Variants in AGMO observed in about 807,000 individuals in gnomAD.
AGMO encodes alkylglycerol monooxygenase.
Under a neutral mutation model 60.2 loss-of-function variants are expected in AGMO, and 75 were observed. That is an observed-to-expected ratio of 1.25 (90% CI 1.03 to 1.51). AGMO has a LOEUF of 1.51. AGMO is among the 40% of genes most tolerant of loss of function. The pLI is 0.00. For missense variants in AGMO, 763 were observed against 525.5 expected, an observed-to-expected ratio of 1.45 and a Z score of -4.42; for synonymous variants, 261 against 177.1, an observed-to-expected ratio of 1.47 and a Z score of -3.76.
chr7:15,278,594 A>G (rs1783868691), intron 12 of AGMO, among the ~76,000 whole-genome samples: 1 of 152,122 alleles, frequency 6.6e-6, no homozygotes, highest in Admixed American at 6.5e-5. Context: ...GTTTCACTGG[A>G]AAAGGCAATG....
At chr7:15,178,301 G>T in the AGMO span, among the ~76,000 whole-genome samples, 1 of 152,128 alleles carries the variant, frequency 6.6e-6, no homozygotes, top group South Asian at 2.1e-4. Flanking sequence ...TGATAGATTG[G>T]CTGATACAGA....
At chr7:15,218,088 A>G (rs1272976659) in intron 12 of AGMO, among the ~76,000 whole-genome samples, 1 of 152,104 alleles carries the variant, frequency 6.6e-6, no homozygotes, top group African/African-American at 2.4e-5. Flanking sequence ...AAAGACGTAT[A>G]AACGGTAATA....
the AGMO span, among the ~76,000 whole-genome samples, chr7:15,194,411 TAA>T: frequency 1.0e-3 from 156 of 152,232 alleles, no homozygotes; most frequent in African/African-American, 3.5e-3. Context: ...TAAAATAACT[TAA>T]AAGTCTTTTA....
intron 12 of AGMO, among the ~76,000 whole-genome samples, chr7:15,265,969 G>A (rs1415741943): frequency 6.6e-6 from 1 of 152,070 alleles, no homozygotes; most frequent in African/African-American, 2.4e-5. Flanking sequence ...AATACATTCT[G>A]ATGTATGCTA....
the AGMO span, among the ~76,000 whole-genome samples, chr7:15,135,375 C>T: frequency 1.3e-5 from 2 of 152,202 alleles, no homozygotes; most frequent in Admixed American, 6.5e-5. Flanking sequence ...ATGTGGAGAA[C>T]ATCACCTCTC....
At chr7:15,444,575 T>C (rs1382186360) in intron 3 of AGMO, among the ~76,000 whole-genome samples, 2 of 152,220 alleles carry the variant, frequency 1.3e-5, no homozygotes, top group Non-Finnish European at 2.9e-5. Context: ...GAAAAATCTT[T>C]TCCTTTGGCT....
chr7:15,274,641 C>G (rs994494710), intron 12 of AGMO, among the ~76,000 whole-genome samples: 3 of 150,526 alleles, frequency 2.0e-5, no homozygotes, highest in Non-Finnish European at 4.4e-5. Flanking sequence ...AAGTTTGGTA[C>G]CAGTACTTTG....
intron 12 of AGMO, among the ~76,000 whole-genome samples, chr7:15,362,938 T>C (rs1782822129): frequency 6.6e-6 from 1 of 152,210 alleles, no homozygotes; most frequent in African/African-American, 2.4e-5. Context: ...TCAGACTTCC[T>C]GAGTTTGTTC....
At chr7:15,547,692 G>A (rs1029612604) in intron 2 of AGMO, among the ~76,000 whole-genome samples, 2 of 152,068 alleles carry the variant, frequency 1.3e-5, no homozygotes, top group African/African-American at 2.4e-5. Context: ...CTGATTGCTA[G>A]CACAGCAGTC....
At chr7:15,211,341 G>T (rs1057079843) in intron 12 of AGMO, among the ~76,000 whole-genome samples, 4 of 151,962 alleles carry the variant, frequency 2.6e-5, no homozygotes, top group Non-Finnish European at 5.9e-5. Flanking sequence ...ATTGTAAGTA[G>T]ATTTTGGAAC....
At chr7:15,213,265 T>C (rs990809945) in intron 12 of AGMO, among the ~76,000 whole-genome samples, 2 of 151,832 alleles carry the variant, frequency 1.3e-5, no homozygotes, top group Non-Finnish European at 2.9e-5. Context: ...AGAAAAAACA[T>C]TGGCTGAGCA....
At chr7:15,561,019 A>G (rs892617342) in intron 1 of AGMO, among the ~76,000 whole-genome samples, 11 of 152,338 alleles carry the variant, frequency 7.2e-5, no homozygotes, top group East Asian at 1.9e-4. Context: ...GAAGCTAATC[A>G]TGAGTTTTGA....
At chr7:15,505,894 T>A (rs1783501357) in intron 3 of AGMO, among the ~76,000 whole-genome samples, 1 of 152,036 alleles carries the variant, frequency 6.6e-6, no homozygotes, top group South Asian at 2.1e-4. Context: ...TTTTTAAAGT[T>A]TAATAGTTTC....
intron 5 of AGMO, among the ~76,000 whole-genome samples, chr7:15,410,937 T>G (rs566301637): frequency 6.6e-6 from 1 of 152,046 alleles, no homozygotes; most frequent in East Asian, 1.9e-4. Flanking sequence ...TACCCTATGG[T>G]TGAATGTCCC....
At chr7:15,516,020 T>C (rs1233779841) in intron 3 of AGMO, among the ~76,000 whole-genome samples, 1 of 152,150 alleles carries the variant, frequency 6.6e-6, no homozygotes, top group East Asian at 1.9e-4. Context: ...AGGTATGATG[T>C]AAATTACTTT....
At chr7:15,414,655 A>G (rs562779757) in intron 5 of AGMO, among the ~76,000 whole-genome samples, 34 of 152,142 alleles carry the variant, frequency 2.2e-4, no homozygotes, top group Non-Finnish European at 3.2e-4. Context: ...AAAAAAAGAA[A>G]CAAAACTGTC....
chr7:15,193,991 A>G, the AGMO span, among the ~76,000 whole-genome samples: 1 of 152,212 alleles, frequency 6.6e-6, no homozygotes, highest in African/African-American at 2.4e-5. Flanking sequence ...TATGTCCAAC[A>G]CAAATAATTT....
chr7:15,362,976 G>A (rs1038312672), intron 12 of AGMO, among the ~76,000 whole-genome samples: 2 of 152,232 alleles, frequency 1.3e-5, no homozygotes, highest in Middle Eastern at 3.4e-3. Flanking sequence ...ATAGTTATGT[G>A]CATTTAGACA....
intron 6 of AGMO, among the ~76,000 whole-genome samples, chr7:15,393,876 A>T (rs891632680): frequency 3.9e-5 from 6 of 152,172 alleles, no homozygotes; most frequent in Non-Finnish European, 8.8e-5. Flanking sequence ...ATTTAGGTAG[A>T]AAGAAAAATC....
Sources: gnomAD v4.1 joint callset for allele counts (sites outside exome capture counted in the v4.1 genomes callset) on GRCh38, gnomAD v4.1.1 for gene constraint, MANE v1.5 for transcripts, NCBI Gene and HGNC (gene_info 2026-07-23, HGNC 2026-07-21) for gene names.